The following TMEM232 variants were observed in gnomAD, a reference collection of about 807,000 sequenced individuals.
TMEM232 encodes the protein transmembrane protein 232.
A neutral mutation model predicts 78.8 loss-of-function variants in TMEM232; 80 were observed. That is an observed-to-expected ratio of 1.01 (90% confidence interval 0.85 to 1.22). The LOEUF is 1.22. TMEM232 is among the 50% of genes most tolerant of loss of function. TMEM232 has a pLI of 0.00. For missense variants in TMEM232, 881 were observed against 742.2 expected (o/e 1.19, Z -2.17); for synonymous variants, 297 against 254.3 (o/e 1.17, Z -1.60).
At chr5:110,577,009 G>A (rs1026528549) in intron 10 of TMEM232, among the ~76,000 whole-genome samples, 6 of 152,052 alleles carry the variant, frequency 3.9e-5, no homozygotes, top group South Asian at 2.1e-4. Flanking sequence ...CAAAAGCATT[G>A]CAACAAAGCA....
At chr5:110,642,716 A>G (rs546446840) in intron 2 of TMEM232, among the ~76,000 whole-genome samples, 1 of 152,220 alleles carries the variant, frequency 6.6e-6, no homozygotes, top group East Asian at 1.9e-4. Flanking sequence ...CTCCTCACAT[A>G]AATCAGCATT....
intron 1 of TMEM232, among the ~76,000 whole-genome samples, chr5:110,711,219 C>A (rs998969651): frequency 2.0e-5 from 3 of 151,948 alleles, no homozygotes; most frequent in African/African-American, 7.3e-5. Context: ...AAAGATCTCT[C>A]TAATGAAAAT....
intron 8 of TMEM232, among the ~76,000 whole-genome samples, chr5:110,610,278 G>GAAGGAAGGAAGGGAGGAA (rs1554057579): frequency 4.8e-5 from 7 of 146,090 alleles, no homozygotes; most frequent in African/African-American, 1.8e-4. Context: ...AAGGTGGGTG[G>GAAGGAAGGAAGGGAGGAA]GTGAAGGGAG....
chr5:110,673,372 G>C (rs543609346), intron 1 of TMEM232, among the ~76,000 whole-genome samples: 1 of 151,756 alleles, frequency 6.6e-6, no homozygotes, highest in South Asian at 2.1e-4. Flanking sequence ...GTTAATGGGT[G>C]CAGCACACCA....
At chr5:110,407,983 G>C (rs1755853162) in intron 2 of TMEM232, among the ~76,000 whole-genome samples, 1 of 151,928 alleles carries the variant, frequency 6.6e-6, no homozygotes, top group South Asian at 2.1e-4. Flanking sequence ...AACAGCCAAT[G>C]GGTCAATGAA....
chr5:110,466,062 AAATC>A (rs1387598082), intron 12 of TMEM232, among the ~76,000 whole-genome samples: 1 of 152,194 alleles, frequency 6.6e-6, no homozygotes, highest in African/African-American at 2.4e-5. Context: ...TGTAAATTAG[AAATC>A]TATCTACTAA....
At chr5:110,661,704 G>A (rs1161710819) in intron 2 of TMEM232, among the ~76,000 whole-genome samples, 1 of 152,036 alleles carries the variant, frequency 6.6e-6, no homozygotes, top group East Asian at 1.9e-4. Flanking sequence ...TTCTATTTTT[G>A]GCTTTCTGAG....
intron 1 of TMEM232, among the ~76,000 whole-genome samples, chr5:110,699,804 T>C (rs998810514): frequency 6.6e-6 from 1 of 152,064 alleles, no homozygotes; most frequent in African/African-American, 2.4e-5. Flanking sequence ...TCTGAGGTTT[T>C]AGCAGCACTC....
intron 11 of TMEM232, among the ~76,000 whole-genome samples, chr5:110,559,351 G>T (rs559990915): frequency 6.6e-6 from 1 of 151,986 alleles, no homozygotes; most frequent in South Asian, 2.1e-4. Flanking sequence ...AATGAATGGC[G>T]TTACAATTTT....
At chr5:110,718,388 A>G (rs948014682) in intron 1 of TMEM232, among the ~76,000 whole-genome samples, 2 of 152,150 alleles carry the variant, frequency 1.3e-5, no homozygotes, top group Non-Finnish European at 2.9e-5. Context: ...ATTGATGAGA[A>G]GCATTTCTGG....
At chr5:110,640,313 G>C (rs911485980) in intron 4 of TMEM232, among the ~76,000 whole-genome samples, 1 of 151,944 alleles carries the variant, frequency 6.6e-6, no homozygotes, top group African/African-American at 2.4e-5. Context: ...GAGCTCATGT[G>C]GTTAACATTC....
At chr5:110,655,932 G>C (rs1405741422) in intron 2 of TMEM232, among the ~76,000 whole-genome samples, 2 of 146,934 alleles carry the variant, frequency 1.4e-5, no homozygotes, top group African/African-American at 5.0e-5. Context: ...GGGAGGGATA[G>C]CATTAGGAGA....
intron 11 of TMEM232, among the ~76,000 whole-genome samples, chr5:110,547,863 T>C (rs186713127): frequency 6.6e-6 from 1 of 151,604 alleles, no homozygotes; most frequent in East Asian, 1.9e-4. Flanking sequence ...CCAGGCATGG[T>C]GGTGCATGCC....
At chr5:110,440,380 T>C (rs192767815) in intron 12 of TMEM232, among the ~76,000 whole-genome samples, 288 of 152,296 alleles carry the variant, frequency 1.9e-3, no homozygotes, top group African/African-American at 6.5e-3. Context: ...CGCCACTATG[T>C]TCTTTTTCCT....
chr5:110,464,862 C>T (rs1425115484), intron 12 of TMEM232, among the ~76,000 whole-genome samples: 1 of 152,150 alleles, frequency 6.6e-6, no homozygotes, highest in Non-Finnish European at 1.5e-5. Flanking sequence ...CATGAACCTA[C>T]TCTAAAATTT....
intron 12 of TMEM232, among the ~76,000 whole-genome samples, chr5:110,501,408 TATA>T (rs1168927649): frequency 6.6e-6 from 1 of 152,002 alleles, no homozygotes; most frequent in Non-Finnish European, 1.5e-5. Flanking sequence ...ATTTTATCCT[TATA>T]ATGTTATATA....
chr5:110,558,065 C>T (rs187923111), intron 11 of TMEM232, among the ~76,000 whole-genome samples: 87 of 152,266 alleles, frequency 5.7e-4, no homozygotes, highest in African/African-American at 2.0e-3. Flanking sequence ...AGCCAAAGTA[C>T]AGATCAGCAA....
intron 2 of TMEM232, among the ~76,000 whole-genome samples, chr5:110,409,393 C>A (rs999326285): frequency 2.6e-5 from 4 of 152,124 alleles, no homozygotes; most frequent in African/African-American, 9.7e-5. Flanking sequence ...CACATACAGG[C>A]CCTGACAGTC....
At chr5:110,693,447 GGATA>G (rs1794380155) in intron 1 of TMEM232, among the ~76,000 whole-genome samples, 1 of 152,204 alleles carries the variant, frequency 6.6e-6, no homozygotes, top group Admixed American at 6.5e-5. Context: ...GAAGAAAGCT[GGATA>G]GAGAATGACT....
Sources: allele counts gnomAD v4.1 joint callset (sites outside exome capture counted in the v4.1 genomes callset), GRCh38; gene constraint gnomAD v4.1.1; transcripts MANE v1.5; gene names NCBI Gene and HGNC (gene_info 2026-07-23, HGNC 2026-07-21).